MYO18B: variants seen among roughly 807,000 people sequenced by gnomAD.
MYO18B encodes myosin XVIIIB.
MYO18B carries 204 observed loss-of-function variants against 273.0 expected under a neutral mutation model. The observed-to-expected ratio is 0.75, with a 90% CI of 0.67 to 0.84. The LOEUF is 0.84. MYO18B is among the 40% of genes least tolerant of loss of function. MYO18B has a pLI of 0.00. For synonymous variants in MYO18B, 1,330 were observed against 1,305.7 expected, an observed-to-expected ratio of 1.02 and a Z score of -0.40; for missense variants, 3,212 against 3,287.6, an observed-to-expected ratio of 0.98 and a Z score of 0.56.
intron 12 of MYO18B, among the ~76,000 whole-genome samples, chr22:25,811,710 A>G (rs991782267): frequency 6.6e-6 from 1 of 152,056 alleles, no homozygotes; most frequent in Non-Finnish European, 1.5e-5. Flanking sequence ...GCTGCAGGGG[A>G]CTGTCCAGAA....
In MYO18B at chr22:25,823,494, C is replaced by T; in HGVS notation, c.2522-11C>T. The T allele has an allele frequency of 1.2e-6, 2 of 1,613,230 alleles. No individual in the cohort carries two copies. Among genetic ancestry groups the T allele is most frequent in the African/African-American group, 1.3e-5 (1 of 75,022 alleles). On this transcript the variant is annotated splice_polypyrimidine_tract_variant and intron_variant, in intron 12 of 43. Coordinates refer to ENST00000335473, the MANE Select transcript of MYO18B (RefSeq NM_032608.7). ...CCTCACTGCCACGCCTCTGTTTTGT[C>T]CCCTTTGCAGTGGGTCGGAAGCAGT...
rs1406539674 is a variant in MYO18B at position 26,004,357 on chromosome 22, C to T, written c.6333-361C>T. ...TCCTTGAACACATCAAATTCAATGC[C>T]AAACTTTACTCCTAAATTGGAGAGA... is the stretch of plus-strand genomic sequence containing the variant. On this transcript the variant is annotated intron_variant, in intron 41 of 43. Coordinates refer to ENST00000335473, the MANE Select transcript of MYO18B (RefSeq NM_032608.7). Among the ~76,000 whole-genome samples the T allele has an allele frequency of 2.0e-5, 3 of 152,148 alleles. 1 individual carries two copies. The highest frequency in any genetic ancestry group is 7.2e-5 in the African/African-American group (3 of 41,424).
At chr22:25,871,349 C>T (rs1412467586) in intron 22 of MYO18B, among the ~76,000 whole-genome samples, 2 of 152,194 alleles carry the variant, frequency 1.3e-5, no homozygotes, top group Non-Finnish European at 2.9e-5. Flanking sequence ...GCTGTCACTA[C>T]TTGCTGAATA....
At chr22:25,918,329 A>G (rs932288483) in intron 33 of MYO18B, among the ~76,000 whole-genome samples, 2 of 152,186 alleles carry the variant, frequency 1.3e-5, no homozygotes, top group African/African-American at 4.8e-5. Flanking sequence ...AAGCTCCCCA[A>G]ACAATTTGCC....
intron 39 of MYO18B, among the ~76,000 whole-genome samples, chr22:25,960,194 A>AGGAATGG (rs2146675570): frequency 6.6e-6 from 1 of 152,104 alleles, no homozygotes; most frequent in East Asian, 1.9e-4. Context: ...ATTCCTGGAG[A>AGGAATGG]CTCCAGGAGC....
At chr22:26,036,954 G>A in the MYO18B span, among the ~76,000 whole-genome samples, 2 of 152,220 alleles carry the variant, frequency 1.3e-5, no homozygotes, top group Non-Finnish European at 2.9e-5. Context: ...TGAGACTCAG[G>A]ACAGAAGCAC....
At chr22:25,929,253 G>GATTT (rs1221929382) in intron 34 of MYO18B, among the ~76,000 whole-genome samples, 1 of 151,814 alleles carries the variant, frequency 6.6e-6, no homozygotes, top group Non-Finnish European at 1.5e-5. Flanking sequence ...GCTATTGGAA[G>GATTT]ATTTTAGTTT....
At chr22:25,885,630 C>T (rs77898576) in intron 25 of MYO18B, among the ~76,000 whole-genome samples, 4,465 of 152,144 alleles carry the variant, frequency 0.029, 91 homozygotes, top group Non-Finnish European at 0.044. Flanking sequence ...GACTGGATCG[C>T]AGGGGGTCAG....
chr22:25,903,580 A>T, intron 30 of MYO18B, 51 bp from the exon 31 acceptor site: 1 of 1,526,392 alleles, frequency 6.6e-7, no homozygotes, highest in Non-Finnish European at 8.9e-7. Flanking sequence ...CTGGGGGAGG[A>T]GGGAGGCATA....
intron 12 of MYO18B, among the ~76,000 whole-genome samples, chr22:25,821,718 A>G (rs2089288751): frequency 6.6e-6 from 1 of 152,222 alleles, no homozygotes; most frequent in South Asian, 2.1e-4. Context: ...CGGAGCTTGC[A>G]GTGAGCTGAG....
chr22:25,829,326 C>A (rs1289016714), intron 15 of MYO18B, among the ~76,000 whole-genome samples: 1 of 152,178 alleles, frequency 6.6e-6, no homozygotes, highest in Non-Finnish European at 1.5e-5. Flanking sequence ...GGGGGGAATG[C>A]CCTTTGAGTC....
chr22:25,783,665 T>C (rs2087256527), intron 10 of MYO18B, among the ~76,000 whole-genome samples: 1 of 152,298 alleles, frequency 6.6e-6, no homozygotes, highest in East Asian at 1.9e-4. Flanking sequence ...GGCTCAACTG[T>C]GGCTAGCAGA....
chr22:25,935,105 C>T (rs944801193), intron 34 of MYO18B, among the ~76,000 whole-genome samples: 7 of 152,118 alleles, frequency 4.6e-5, no homozygotes, highest in Non-Finnish European at 1.0e-4. Context: ...TGCTGGCCAC[C>T]GCATGTAGAG....
chr22:26,050,411 G>T, the MYO18B span, among the ~76,000 whole-genome samples: 4 of 152,204 alleles, frequency 2.6e-5, no homozygotes, highest in African/African-American at 9.7e-5. Context: ...CCATGCCTCT[G>T]TACCGGGCTA....
In MYO18B at chr22:25,941,283, G is replaced by T. The variant is rs367784350; in HGVS notation, c.5518-4854G>T. Among the ~76,000 whole-genome samples, 4 of 152,294 alleles carry T rather than the reference G, an allele frequency of 2.6e-5. No homozygotes were observed. In the East Asian group the frequency reaches 7.7e-4, roughly 29 times the overall value. On this transcript the variant is annotated intron_variant, in intron 34 of 43. Transcript: ENST00000335473. ...ACCCCTGAGAGGCCTTGTCCATGGG[G>T]ACGTGATGATTACTCAGAGTCGAAA...
rs2090242372 is a variant in MYO18B at position 25,846,264 on chromosome 22, C to A, written c.3533C>A (p.Ser1178Tyr). 1 of 1,611,710 alleles carries A rather than the reference C, an allele frequency of 6.2e-7. No homozygotes were observed. The highest frequency in any genetic ancestry group is 1.3e-5 in the African/African-American group (1 of 74,884). ...LAAVRRKAPCSQIKLQMDALT... is the reference protein window; with the variant it reads ...LAAVRRKAPCYQIKLQMDALT... The stretch of plus-strand genomic sequence containing the variant: ...GCGGTGAGGAGGAAAGCCCCGTGCT[C>A]CCAGATCAAGCTGCAGATGGTGAGT... The change falls in exon 19 of 44, where the codon TCC (serine) becomes TAC (tyrosine). Residue 1178 changes from serine to tyrosine, a missense_variant. By Grantham distance (144) the Ser-to-Tyr change is moderately radical (BLOSUM62 -2). Transcript: ENST00000335473.
At chr22:26,049,506 A>T in the MYO18B span, among the ~76,000 whole-genome samples, 2 of 152,208 alleles carry the variant, frequency 1.3e-5, no homozygotes, top group Non-Finnish European at 2.9e-5. Flanking sequence ...ATGGATGTGA[A>T]TGCATTTTGT....
In MYO18B at chr22:25,992,433, G is replaced by A. The variant is rs764231581; in HGVS notation, c.6227G>A (p.Arg2076Gln). Residue 2076 changes from arginine to glutamine, a missense_variant, in exon 40 of 44, where the codon CGG becomes CAG. Arg to Gln is a conservative substitution (Grantham distance 43). Transcript: ENST00000335473. ...LQTDLETSIR[R>Q]IADLQAALEE... is the part of the protein sequence containing the mutation. Reference sequence around the variant, plus strand: ...ACAGACCTGGAGACATCCATTCGGCGGATTGCCGACCTGCAGGCTGCCTTG... The same window carrying A: ...ACAGACCTGGAGACATCCATTCGGCAGATTGCCGACCTGCAGGCTGCCTTG... The A allele has an allele frequency of 2.9e-5, 47 of 1,613,884 alleles. No homozygotes were observed. Among genetic ancestry groups the A allele is most frequent in the Non-Finnish European group, 3.6e-5 (42 of 1,179,894 alleles).
chr22:25,780,223 A>AG, intron 9 of MYO18B, 25 bp downstream of exon 9: 1 of 1,589,724 alleles, frequency 6.3e-7, no homozygotes, highest in Non-Finnish European at 8.5e-7. Context: ...GGGATGTGCA[A>AG]GGGGGCCCTT....
Sources: allele counts gnomAD v4.1 joint callset (sites outside exome capture counted in the v4.1 genomes callset), GRCh38; gene constraint gnomAD v4.1.1; transcripts MANE v1.5; gene names NCBI Gene and HGNC (gene_info 2026-07-23, HGNC 2026-07-21).